SUMF1: variants seen among roughly 807,000 people sequenced by gnomAD.
The protein encoded by SUMF1 is sulfatase modifying factor 1.
SUMF1 carries 48 observed loss-of-function variants against 47.6 expected under a neutral mutation model. The ratio of observed to expected loss-of-function variants is 1.01; its 90% CI spans 0.80 to 1.28. The LOEUF (loss-of-function observed/expected upper bound fraction) is 1.28. Among genes scored for constraint, SUMF1 ranks in the 50% most tolerant of loss-of-function variants. The pLI is 0.00. For synonymous variants in SUMF1, 230 were observed against 192.1 expected (o/e 1.20, Z -1.63); for missense variants, 571 against 485.4 (o/e 1.18, Z -1.66).
At chr3:4,104,666 T>TTCTC (rs111963235) in intron 8 of SUMF1, among the ~76,000 whole-genome samples, 1,531 of 146,832 alleles carry the variant, frequency 0.01, 42 homozygotes, top group African/African-American at 0.035. Context: ...AAATCTCGAT[T>TTCTC]TCTCTCTCTC....
At position 4,251,119 on chromosome 3, in the gene SUMF1, G is replaced by C. The variant is rs185344429; in HGVS notation, c.1014+125211C>G. Reference sequence around the variant, plus strand: ...GATTCACCATTCTAGATACCATTAAGAACATTCATGATGCATGGAAGTCAA... The same window carrying C: ...GATTCACCATTCTAGATACCATTAACAACATTCATGATGCATGGAAGTCAA... On this transcript the variant is annotated intron_variant and NMD_transcript_variant, in intron 8 of 12. Transcript: ENST00000448413. 4.4e-3 allele frequency among the ~76,000 whole-genome samples: 669 copies of C among 152,282 alleles called. 3 individuals carry two copies. The highest frequency in any genetic ancestry group is 7.6e-3 in the Non-Finnish European group (514 of 68,020).
At chr3:4,243,011 A>G (rs1696577939) in intron 8 of SUMF1, among the ~76,000 whole-genome samples, 1 of 152,072 alleles carries the variant, frequency 6.6e-6, no homozygotes, top group African/African-American at 2.4e-5. Flanking sequence ...GGGAGGGTGT[A>G]TGTATCCATT....
intron 9 of SUMF1, among the ~76,000 whole-genome samples, chr3:4,042,380 G>A (rs564492228): frequency 2.0e-5 from 3 of 152,168 alleles, no homozygotes; most frequent in South Asian, 2.1e-4. Flanking sequence ...TAGAGCCACA[G>A]AAGTCCATGA....
At chr3:4,044,458 T>TCTGTA (rs1694970567) in intron 9 of SUMF1, among the ~76,000 whole-genome samples, 1 of 152,204 alleles carries the variant, frequency 6.6e-6, no homozygotes, top group Non-Finnish European at 1.5e-5. Flanking sequence ...CCTACAGAAT[T>TCTGTA]GGTATTTTTA....
chr3:4,183,717 C>T (rs1231752231), intron 8 of SUMF1, among the ~76,000 whole-genome samples: 1 of 152,122 alleles, frequency 6.6e-6, no homozygotes, highest in East Asian at 1.9e-4. Context: ...ATTTTCTTAT[C>T]TACTTTAAGC....
rs757290322 is a variant in SUMF1 at position 4,226,092 on chromosome 3, C to T, written c.1014+150238G>A. ...AGAAACTTCTGGCCCACTCCAAATA[C>T]ATAGGATCTACCCGCTCGCCATTTA... On this transcript the variant is annotated intron_variant and NMD_transcript_variant, in intron 8 of 12. Transcript: ENST00000448413. 2.6e-5 allele frequency among the ~76,000 whole-genome samples: 4 copies of T among 151,954 alleles called. 1 individual carries two copies. The highest frequency in any genetic ancestry group is 6.6e-5 in the Admixed American group (1 of 15,256).
Position 4,410,972 on chromosome 3 carries a change from C to T in SUMF1, c.847G>A (p.Ala283Thr). The T allele has an allele frequency of 3.1e-6, 5 of 1,613,874 alleles. No individual in the cohort carries two copies. Among genetic ancestry groups the T allele is most frequent in the Non-Finnish European group, 4.2e-6 (5 of 1,179,736 alleles). ...DGFQGTAPVD[A>T]FPPNGYGLYN... ...AAGCCATAACCATTGGGAGGGAAGG[C>T]ATCAACCTAAAAACAAAGACAGGAA... The change falls in exon 7 of 9, where the codon GCC (alanine) becomes ACC (threonine). Residue 283 changes from alanine (A) to threonine (T), a missense_variant. Ala to Thr is a moderately conservative substitution (Grantham distance 58, BLOSUM62 0). Coordinates refer to ENST00000272902, the MANE Select transcript of SUMF1 (RefSeq NM_182760.4).
At chr3:4,386,770 A>G (rs1427290517) in intron 7 of SUMF1, among the ~76,000 whole-genome samples, 2 of 152,032 alleles carry the variant, frequency 1.3e-5, no homozygotes, top group African/African-American at 4.8e-5. Context: ...TAAGTTTGAG[A>G]AAATCTTTGT....
intron 8 of SUMF1, chr3:4,303,703 C>T: frequency 6.7e-7 from 1 of 1,501,766 alleles, no homozygotes; most frequent in Non-Finnish European, 8.9e-7. Context: ...TCTGTTGACC[C>T]ACGGCATCAC....
chr3:4,112,961 A>C (rs922304220), intron 8 of SUMF1, among the ~76,000 whole-genome samples: 1 of 152,168 alleles, frequency 6.6e-6, no homozygotes, highest in South Asian at 2.1e-4. Context: ...CAATTTCTAA[A>C]GTATGTGGCA....
At chr3:4,046,960 A>T (rs1695018834) in intron 9 of SUMF1, among the ~76,000 whole-genome samples, 1 of 152,056 alleles carries the variant, frequency 6.6e-6, no homozygotes, top group Non-Finnish European at 1.5e-5. Flanking sequence ...TTGCCTCACC[A>T]ACCTCTGTCA....
chr3:4,380,601 C>G (rs561741304), intron 7 of SUMF1, among the ~76,000 whole-genome samples: 59 of 152,160 alleles, frequency 3.9e-4, no homozygotes, highest in Non-Finnish European at 7.2e-4. Flanking sequence ...AAAACAAAGT[C>G]TCAGTGGAAA....
At chr3:4,077,242 G>A (rs1692459242) in intron 8 of SUMF1, among the ~76,000 whole-genome samples, 1 of 152,126 alleles carries the variant, frequency 6.6e-6, no homozygotes. Context: ...GTGCAAGACA[G>A]TGTGGCAATT....
In SUMF1 at chr3:4,058,741, G is replaced by A. The variant is rs140015038; in HGVS notation, c.1191+9828C>T. The stretch of plus-strand genomic sequence containing the variant: ...GTAGAACAGGCTTGGTTCCTCAAAA[G>A]ACATTCTGGGAGAAGAAAAGTTTTC... On this transcript the variant is annotated intron_variant and NMD_transcript_variant, in intron 9 of 12. Transcript: ENST00000448413. 9.6e-4 allele frequency among the ~76,000 whole-genome samples: 146 copies of A among 152,268 alleles called. No individual in the cohort carries two copies. In the Middle Eastern group the frequency reaches 0.014, roughly 14 times the overall value.
chr3:4,066,813 C>T (rs1024075824), intron 9 of SUMF1, among the ~76,000 whole-genome samples: 4 of 152,130 alleles, frequency 2.6e-5, no homozygotes, highest in African/African-American at 9.7e-5. Flanking sequence ...GGACCTAGAC[C>T]GAACACCTGG....
At chr3:4,268,742 G>A (rs952308477) in intron 8 of SUMF1, among the ~76,000 whole-genome samples, 10 of 151,602 alleles carry the variant, frequency 6.6e-5, no homozygotes, top group South Asian at 2.1e-4. Context: ...ACTTGAACCC[G>A]TATCTAATTA....
chr3:4,126,690 G>C (rs1027168086), intron 8 of SUMF1, among the ~76,000 whole-genome samples: 1 of 152,118 alleles, frequency 6.6e-6, no homozygotes, highest in African/African-American at 2.4e-5. Flanking sequence ...AGGGGTGTCA[G>C]ATTTCAAAGA....
At chr3:4,244,583 C>A (rs2125001075) in intron 8 of SUMF1, among the ~76,000 whole-genome samples, 1 of 152,254 alleles carries the variant, frequency 6.6e-6, no homozygotes, top group East Asian at 1.9e-4. Context: ...GAATACTGGC[C>A]CCCACTCTCT....
intron 8 of SUMF1, among the ~76,000 whole-genome samples, chr3:4,346,362 G>A (rs1255497495): frequency 6.6e-6 from 1 of 152,052 alleles, no homozygotes; most frequent in African/African-American, 2.4e-5. Context: ...CTAGAACTCA[G>A]GATTAAGAAA....
Sources: gnomAD v4.1 joint callset for allele counts (sites outside exome capture counted in the v4.1 genomes callset) on GRCh38, gnomAD v4.1.1 for gene constraint, MANE v1.5 for transcripts, NCBI Gene and HGNC (gene_info 2026-07-23, HGNC 2026-07-21) for gene names.